BCLAF1: variants seen among roughly 807,000 people sequenced by gnomAD.
BCLAF1 encodes the protein BCL2 associated transcription factor 1.
Under a neutral mutation model 99.5 loss-of-function variants are expected in BCLAF1, and 10 were observed. The ratio of observed to expected loss-of-function variants is 0.10; its 90% CI spans 0.06 to 0.17. The LOEUF is 0.17. Among genes scored for constraint, BCLAF1 ranks in the 10% least tolerant of loss-of-function variants. BCLAF1 has a pLI of 1.00. For synonymous variants in BCLAF1, 255 were observed against 370.9 expected (o/e 0.69, Z 3.59); for missense variants, 636 against 1,105.8 (o/e 0.58, Z 6.02).
In BCLAF1 at chr6:136,289,793, G is replaced by A. The variant is rs914850832; in HGVS notation, c.-195C>T. ...CCATTTCCCGACTCAAGAACGCGAG[G>A]AAAACCATAGAGCTACCTTCGACGC... On this transcript the variant is annotated 5_prime_UTR_variant, in exon 1 of 13. Coordinates refer to ENST00000531224, the MANE Select transcript of BCLAF1 (RefSeq NM_014739.3). The A allele has an allele frequency of 2.0e-5, 3 of 152,702 alleles. No individual in the cohort carries two copies. The South Asian group carries it at 6.2e-4, about 32-fold the overall frequency. The allele number at this position is 152,702 out of a possible 1,614,324, so 9.5% of individuals were successfully genotyped here.
At chr6:136,270,168 G>T (rs907132572) in intron 8 of BCLAF1, among the ~76,000 whole-genome samples, 2 of 151,464 alleles carry the variant, frequency 1.3e-5, no homozygotes, top group Non-Finnish European at 3.0e-5. Context: ...TAACATGCAC[G>T]TAAAATATTA....
In BCLAF1 at chr6:136,258,421, A is replaced by G. The variant is rs1049295450; in HGVS notation, c.*2689T>C. ...AAACAAAAACAAAAACAAAAACAAA[A>G]ACAAGACAAAACAAAAAAACAGTAA... is the stretch of plus-strand genomic sequence containing the variant. On this transcript the variant is annotated 3_prime_UTR_variant, in exon 13 of 13. Transcript: ENST00000531224. 16 of 150,880 alleles carry G rather than the reference A, an allele frequency of 1.1e-4. No homozygotes were observed. The highest frequency in any genetic ancestry group is 2.1e-4 in the Non-Finnish European group (14 of 67,494). 9.3% of individuals were successfully genotyped at this position (150,880 alleles called of 1,614,324 possible).
At chr6:136,277,331 T>C (rs1310992465) in intron 4 of BCLAF1, among the ~76,000 whole-genome samples, 17 of 152,230 alleles carry the variant, frequency 1.1e-4, no homozygotes, top group South Asian at 2.1e-4. Context: ...GCATTATTTA[T>C]GTAGGTCACA....
chr6:136,278,713 A>T lies in BCLAF1; in HGVS notation c.168T>A (p.Asp56Glu). The change falls in exon 4 of 13, where the codon GAT becomes GAA. Residue 56 changes from aspartate to glutamate, a missense_variant. Around this residue, in one of 9 missense-constraint regions of BCLAF1, gnomAD observed 81 missense variants for 132.5 expected, o/e 0.61. Transcript: ENST00000531224. ...TATTATTTCTGTAATCGCGACGATA[A>T]TCTCTAGAATACATACGATCTCTAC... Reference protein sequence around the residue: ...SRSRDRMYSRDYRRDYRNNRG... With the variant: ...SRSRDRMYSREYRRDYRNNRG... 2 of 1,611,636 alleles carry T rather than the reference A, an allele frequency of 1.2e-6. No individual in the cohort carries two copies. The highest frequency in any genetic ancestry group is 1.7e-6 in the Non-Finnish European group (2 of 1,179,320).
chr6:136,264,312 T>C (rs977093300), intron 11 of BCLAF1, among the ~76,000 whole-genome samples: 1 of 152,176 alleles, frequency 6.6e-6, no homozygotes, highest in Non-Finnish European at 1.5e-5. Context: ...GTTCAAGCGA[T>C]TCTCCTGCCT....
In BCLAF1 at chr6:136,260,463, A is replaced by C. The variant is rs1283299932; in HGVS notation, c.*647T>G. The C allele has an allele frequency of 6.6e-6, 1 of 152,288 alleles. No individual in the cohort carries two copies. The highest frequency in any genetic ancestry group is 2.4e-5 in the African/African-American group (1 of 41,450). The allele number at this position is 152,288 out of a possible 1,614,324, so 9.4% of individuals were successfully genotyped here. A position where few individuals can be genotyped will look rare whatever the true frequency, so the allele number is the denominator to read the frequency against. On this transcript the variant is annotated 3_prime_UTR_variant, in exon 13 of 13. Coordinates refer to ENST00000531224, the MANE Select transcript of BCLAF1 (RefSeq NM_014739.3). The stretch of plus-strand genomic sequence containing the variant: ...TCTTTATAGGCCACTGCTTGCTTTC[A>C]GTAAAAATAACATTTTCTCAAAACT...
At chr6:136,261,714 C>A (rs896336701) in intron 11 of BCLAF1, among the ~76,000 whole-genome samples, 2 of 152,124 alleles carry the variant, frequency 1.3e-5, no homozygotes, top group African/African-American at 4.8e-5. Flanking sequence ...GTTACCCAGA[C>A]AATCATTTGG....
chr6:136,280,299 C>T (rs960042968), intron 2 of BCLAF1, among the ~76,000 whole-genome samples: 1 of 152,088 alleles, frequency 6.6e-6, no homozygotes, highest in African/African-American at 2.4e-5. Context: ...ACAATACTAA[C>T]AAAAAATAAA....
intron 1 of BCLAF1, among the ~76,000 whole-genome samples, chr6:136,288,253 T>C (rs1785429352): frequency 1.3e-5 from 2 of 152,244 alleles, no homozygotes; most frequent in East Asian, 1.9e-4. Context: ...TTGTTTACCA[T>C]GAGCTACCTT....
chr6:136,269,593 C>T lies in BCLAF1; in HGVS notation c.2063G>A (p.Cys688Tyr). ...ENQKGDKKLR[C>Y]DSADLRHDID... ...GTCATGCCGAAGGTCAGCAGAGTCA[C>T]ACCTTAATTTTTTATCTCCCTATAA... The change falls in exon 9 of 13, where the codon TGT becomes TAT. Residue 688 changes from cysteine (C) to tyrosine (Y), a missense_variant. Coordinates refer to ENST00000531224, the MANE Select transcript of BCLAF1 (RefSeq NM_014739.3). 1 of 1,597,528 alleles carries T rather than the reference C, an allele frequency of 6.3e-7. No individual in the cohort carries two copies. The highest frequency in any genetic ancestry group is 8.5e-7 in the Non-Finnish European group (1 of 1,174,994).
intron 1 of BCLAF1, among the ~76,000 whole-genome samples, 189 bp from the exon 2 acceptor site, chr6:136,282,876 C>T (rs1438431360): frequency 6.6e-6 from 1 of 152,092 alleles, no homozygotes; most frequent in Admixed American, 6.5e-5. Flanking sequence ...TTGTAAACCA[C>T]AATGCAGTAG....
chr6:136,280,288 C>T (rs1784198563), intron 2 of BCLAF1, among the ~76,000 whole-genome samples: 1 of 152,124 alleles, frequency 6.6e-6, no homozygotes, highest in South Asian at 2.1e-4. Context: ...AATAAAGTGT[C>T]ACAATACTAA....
rs1467029084 is a variant in BCLAF1, at chr6:136,258,533, A to G, written c.*2577T>C. On this transcript the variant is annotated 3_prime_UTR_variant, in exon 13 of 13. Transcript: ENST00000531224. ...AACAGATGCGCTGATATTCTAAAAT[A>G]GGCCACAGAAATAAGATGTGTGAAA... 2.0e-5 allele frequency: 3 copies of G among 152,564 alleles called. No individual in the cohort carries two copies. The highest frequency in any genetic ancestry group is 2.0e-4 in the Admixed American group (3 of 15,280). The allele number at this position is 152,564 out of a possible 1,614,324, so 9.5% of individuals were successfully genotyped here.
chr6:136,271,566 C>T (rs1459018118), intron 8 of BCLAF1, among the ~76,000 whole-genome samples: 1 of 151,900 alleles, frequency 6.6e-6, no homozygotes, highest in Non-Finnish European at 1.5e-5. Flanking sequence ...TCTTAATCCA[C>T]ATCAAAAATG....
chr6:136,287,059 C>T (rs1482354332), intron 1 of BCLAF1, among the ~76,000 whole-genome samples: 2 of 151,772 alleles, frequency 1.3e-5, no homozygotes, highest in African/African-American at 4.8e-5. Flanking sequence ...AGAATCACTT[C>T]AACCTGGGAG....
rs574944008 is a variant in BCLAF1 at position 136,265,132 on chromosome 6, GT to G, written c.2544+1896del. 1.7e-3 allele frequency among the ~76,000 whole-genome samples: 261 copies of G among 152,106 alleles called. 1 individual carries two copies. The highest frequency in any genetic ancestry group is 5.8e-3 in the African/African-American group (242 of 41,500). ...CCTTCTGACCTATCTATCATACCTG[GT>G]CTACTTCTCTGGCATTTTTACTCTC... On this transcript the variant is annotated intron_variant, in intron 11 of 12. Transcript: ENST00000531224.
At chr6:136,264,805 C>A (rs1781493530) in intron 11 of BCLAF1, among the ~76,000 whole-genome samples, 1 of 152,080 alleles carries the variant, frequency 6.6e-6, no homozygotes, top group Non-Finnish European at 1.5e-5. Flanking sequence ...TTCTAGTGAG[C>A]ATCATCAGTC....
chr6:136,261,421 A>C lies in BCLAF1; in HGVS notation c.2601T>G (p.Gly867=), dbSNP rs750772665. 6.2e-7 allele frequency: 1 copy of C among 1,613,882 alleles called. No homozygotes were observed. The change falls in exon 12 of 13, where the codon GGT becomes GGG. Residue 867 remains glycine, a synonymous_variant. Transcript: ENST00000531224. ...DYWAKRGRGR[G]TFQRGRGRFN... Reference sequence around the variant, plus strand: ...AGCGCCCTCTGCCACGTTGAAAAGTACCACGACCTCTTCCTCTTTTGGCCC... The same window carrying C: ...AGCGCCCTCTGCCACGTTGAAAAGTCCCACGACCTCTTCCTCTTTTGGCCC...
intron 8 of BCLAF1, among the ~76,000 whole-genome samples, chr6:136,270,134 G>A (rs994978774): frequency 6.6e-6 from 1 of 151,548 alleles, no homozygotes; most frequent in Non-Finnish European, 1.5e-5. Flanking sequence ...AAAAACTTCA[G>A]AAGTAAGAAT....
Sources: allele counts gnomAD v4.1 joint callset (sites outside exome capture counted in the v4.1 genomes callset), GRCh38; gene constraint gnomAD v4.1.1; regional missense constraint gnomAD v4.1.1; transcripts MANE v1.5; gene names NCBI Gene and HGNC (gene_info 2026-07-23, HGNC 2026-07-21).